SP140: variants seen among roughly 807,000 people sequenced by gnomAD.
The protein encoded by SP140 is nuclear body protein SP140.
A neutral mutation model predicts 125.0 loss-of-function variants in SP140; 81 were observed. That is an observed-to-expected ratio of 0.65 (90% CI 0.54 to 0.78). The LOEUF (loss-of-function observed/expected upper bound fraction) is 0.78. Ranked by LOEUF, SP140 falls within the 30% of genes least tolerant of loss-of-function variation. The probability of loss-of-function intolerance (pLI) is 0.00; values close to 1 mark genes in which losing one functional copy is unlikely to be tolerated. For missense variants in SP140, 858 were observed against 1,037.0 expected (o/e 0.83, Z 2.37); for synonymous variants, 312 against 354.0 (o/e 0.88, Z 1.33).
chr2:230,275,510 A>G (rs2054585149), intron 15 of SP140, among the ~76,000 whole-genome samples: 1 of 152,186 alleles, frequency 6.6e-6, no homozygotes, highest in African/African-American at 2.4e-5. Context: ...TAAGATGGCA[A>G]ACCTAATAAA....
At chr2:230,282,366 A>C (rs190945446) in intron 15 of SP140, among the ~76,000 whole-genome samples, 218 of 152,324 alleles carry the variant, frequency 1.4e-3, no homozygotes, top group African/African-American at 4.9e-3. Context: ...TAGAAATGCC[A>C]TGGAGAATGG....
chr2:230,296,341 G>A (rs1461496869), intron 21 of SP140, among the ~76,000 whole-genome samples: 1 of 152,238 alleles, frequency 6.6e-6, no homozygotes, highest in African/African-American at 2.4e-5. Flanking sequence ...TCAGTGACAA[G>A]GTCATCTCTC....
chr2:230,244,906 C>G, intron 5 of SP140, 82 bp from the exon 6 acceptor site: 6 of 949,712 alleles, frequency 6.3e-6, no homozygotes, highest in Non-Finnish European at 9.9e-6. Context: ...CAAGGAGAAG[C>G]TCACTTGAGT....
At chr2:230,313,756 G>C (rs1011391506), downstream of SP140, among the ~76,000 whole-genome samples, 1 of 152,226 alleles carries the variant, frequency 6.6e-6, no homozygotes, top group Non-Finnish European at 1.5e-5. Flanking sequence ...GTGCTGGGCA[G>C]AATATGGATA....
chr2:230,189,543 G>A, the SP140 span, among the ~76,000 whole-genome samples: 1 of 152,126 alleles, frequency 6.6e-6, no homozygotes, highest in Non-Finnish European at 1.5e-5. Flanking sequence ...TGTGATCTGA[G>A]GAGATACTTA....
intron 1 of SP140, among the ~76,000 whole-genome samples, chr2:230,206,608 T>TATATATATATATAC (rs1291259542): frequency 5.2e-4 from 29 of 55,668 alleles, no homozygotes; most frequent in African/African-American, 2.2e-3. Flanking sequence ...TATATATATA[T>TATATATATATATAC]ATATATATAT....
chr2:230,294,492 T>C (rs1201505689), intron 21 of SP140, among the ~76,000 whole-genome samples, 174 bp downstream of exon 21: 3 of 151,360 alleles, frequency 2.0e-5, no homozygotes, highest in African/African-American at 4.9e-5. Flanking sequence ...ATTTGAACAC[T>C]AAATGTATAT....
At chr2:230,209,020 T>C (rs1041379265) in intron 1 of SP140, among the ~76,000 whole-genome samples, 14 of 152,158 alleles carry the variant, frequency 9.2e-5, no homozygotes, top group Admixed American at 9.2e-4. Context: ...GAAGGACAAC[T>C]TCAGAGGAAA....
upstream of SP140, chr2:230,200,984 T>C: frequency 6.3e-7 from 1 of 1,580,152 alleles, no homozygotes; most frequent in South Asian, 1.1e-5. Context: ...TGAAAGATCT[T>C]AGTAAATGCC....
At chr2:230,230,524 A>C (rs1286863919) in intron 1 of SP140, 1 of 152,136 alleles carries the variant, frequency 6.6e-6, no homozygotes, top group African/African-American at 2.4e-5. Flanking sequence ...CAGAGCAAGG[A>C]GGGGGTAAGT....
At chr2:230,310,105 T>C (rs2149623811) in intron 23 of SP140, 66 bp downstream of exon 23, 1 of 1,480,864 alleles carries the variant, frequency 6.8e-7, no homozygotes, top group Non-Finnish European at 9.4e-7. Flanking sequence ...ATGCGCACTC[T>C]CCAGCAGAGT....
intron 18 of SP140, among the ~76,000 whole-genome samples, chr2:230,289,539 G>A (rs375021313): frequency 5.9e-5 from 9 of 152,134 alleles, no homozygotes; most frequent in Non-Finnish European, 1.0e-4. Context: ...GAGTGCAGTG[G>A]TGTGATCTCA....
At chr2:230,196,771 C>T in the SP140 span, among the ~76,000 whole-genome samples, 1 of 151,922 alleles carries the variant, frequency 6.6e-6, no homozygotes, top group East Asian at 1.9e-4. Context: ...CAATTCCCAC[C>T]TATGAGTGAG....
intron 5 of SP140, 77 bp from the exon 6 acceptor site, chr2:230,244,911 T>C (rs2049207998): frequency 9.8e-7 from 1 of 1,021,930 alleles, no homozygotes; most frequent in South Asian, 1.4e-5. Context: ...AGAAGCTCAC[T>C]TGAGTGCTGA....
At position 230,312,791 on chromosome 2, in the gene SP140, A is replaced by C; in HGVS notation, c.*107A>C. 1 of 776,570 alleles carries C rather than the reference A, an allele frequency of 1.3e-6. No individual in the cohort carries two copies. The highest frequency in any genetic ancestry group is 2.2e-6 in the Non-Finnish European group (1 of 455,768). 48.1% of individuals were successfully genotyped at this position (776,570 alleles called of 1,614,324 possible). A position where few individuals can be genotyped will look rare whatever the true frequency, so the allele number is the denominator to read the frequency against. On this transcript the variant is annotated 3_prime_UTR_variant, in exon 27 of 27. Coordinates refer to ENST00000392045, the MANE Select transcript of SP140 (RefSeq NM_007237.5). ...TCACTTGGGCACAGCACATGCAGGG[A>C]GGGGCTTTTCTCTGAGCCTCCTTCA...
At chr2:230,235,236 C>G (rs2047799319) in intron 1 of SP140, among the ~76,000 whole-genome samples, 2 of 152,218 alleles carry the variant, frequency 1.3e-5, no homozygotes, top group South Asian at 2.1e-4. Flanking sequence ...TCAACCACCA[C>G]TGCATCTCTG....
At chr2:230,279,482 A>G (rs1390293481) in intron 15 of SP140, among the ~76,000 whole-genome samples, 2 of 152,194 alleles carry the variant, frequency 1.3e-5, no homozygotes, top group East Asian at 1.9e-4. Flanking sequence ...AACCAATGCA[A>G]TTGAATAGGG....
At chr2:230,300,429 G>A (rs1484738835) in intron 22 of SP140, among the ~76,000 whole-genome samples, 1 of 152,130 alleles carries the variant, frequency 6.6e-6, no homozygotes, top group Non-Finnish European at 1.5e-5. Flanking sequence ...ACTGGAGCAC[G>A]TGCTGGTACC....
At chr2:230,255,397 G>T in intron 11 of SP140, 55 bp from the exon 12 acceptor site, 1 of 1,595,560 alleles carries the variant, frequency 6.3e-7, no homozygotes, top group Non-Finnish European at 8.6e-7. Context: ...TTCTCTTCAT[G>T]ATTTTTTGTT....
Sources: gnomAD v4.1 joint callset for allele counts (sites outside exome capture counted in the v4.1 genomes callset) on GRCh38, gnomAD v4.1.1 for gene constraint, MANE v1.5 for transcripts, NCBI Gene and HGNC (gene_info 2026-07-23, HGNC 2026-07-21) for gene names.